LTF: variants seen among roughly 807,000 people sequenced by gnomAD.
LTF encodes epididymis luminal protein 110.
LTF carries 91 observed loss-of-function variants against 87.2 expected under a neutral mutation model. That is an observed-to-expected ratio of 1.04 (90% CI 0.88 to 1.24). The LOEUF is 1.24. LTF is among the 50% of genes most tolerant of loss of function. The pLI is 0.00. For missense variants in LTF, 901 were observed against 904.3 expected, an observed-to-expected ratio of 1.00 and a Z score of 0.05; for synonymous variants, 378 against 356.1, an observed-to-expected ratio of 1.06 and a Z score of -0.69.
intron 2 of LTF, 79 bp from the exon 3 acceptor site, chr3:46,456,477 G>A: frequency 8.6e-7 from 1 of 1,158,910 alleles, no homozygotes; most frequent in Non-Finnish European, 1.3e-6. Context: ...ACCTCAAAAA[G>A]TCTCCATGGC....
At chr3:46,473,459 G>A (rs1703319645) in intron 1 of LTF, among the ~76,000 whole-genome samples, 2 of 152,208 alleles carry the variant, frequency 1.3e-5, no homozygotes, top group African/African-American at 4.8e-5. Flanking sequence ...ACTAAGTACA[G>A]ATTAAAATGC....
Position 46,457,564 on chromosome 3 carries a change from C to T in LTF, c.208-1166G>A, listed in dbSNP as rs576336086. Reference sequence around the variant, plus strand: ...AATACCAATTCAGAATGGCGCTGACCGTGAGGACCAGCTTCACTCTTGAAT... The same window carrying T: ...AATACCAATTCAGAATGGCGCTGACTGTGAGGACCAGCTTCACTCTTGAAT... On this transcript the variant is annotated intron_variant, in intron 2 of 16. Transcript: ENST00000231751. 5.9e-5 allele frequency among the ~76,000 whole-genome samples: 9 copies of T among 152,292 alleles called. No individual in the cohort carries two copies. The South Asian group carries it at 1.0e-3, about 18-fold the overall frequency.
intron 2 of LTF, 70 bp downstream of exon 2, chr3:46,459,586 T>G: frequency 7.5e-7 from 1 of 1,331,018 alleles, no homozygotes; most frequent in Non-Finnish European, 9.8e-7. Context: ...AGAGCTCGTG[T>G]TCTATCTTTT....
At chr3:46,464,076 G>A (rs532175928) in intron 1 of LTF, among the ~76,000 whole-genome samples, 5 of 152,244 alleles carry the variant, frequency 3.3e-5, no homozygotes, top group Admixed American at 1.3e-4. Context: ...TTTCTGCTGC[G>A]GCCTGGGACC....
At chr3:46,479,117 C>T (rs1214423861) in intron 1 of LTF, among the ~76,000 whole-genome samples, 2 of 152,232 alleles carry the variant, frequency 1.3e-5, no homozygotes, top group Non-Finnish European at 2.9e-5. Context: ...CCATGGACCA[C>T]GGTAACAGAA....
At chr3:46,467,241 C>CATTT (rs1703227918), upstream of LTF, among the ~76,000 whole-genome samples, 4 of 152,082 alleles carry the variant, frequency 2.6e-5, no homozygotes, top group South Asian at 4.2e-4. Flanking sequence ...TTCATTCATT[C>CATTT]ATGCCAGAAC....
At chr3:46,482,364 G>A (rs1257054135) in intron 1 of LTF, among the ~76,000 whole-genome samples, 1 of 151,778 alleles carries the variant, frequency 6.6e-6, no homozygotes, top group East Asian at 1.9e-4. Flanking sequence ...CAGCTACCAG[G>A]GAGGCTGAGG....
chr3:46,453,576 T>C (rs1329520843), intron 6 of LTF, among the ~76,000 whole-genome samples: 1 of 151,916 alleles, frequency 6.6e-6, no homozygotes, highest in African/African-American at 2.4e-5. Context: ...AATGTGGGTG[T>C]CTGTCACTTT....
chr3:46,482,537 AGGG>A (rs1703448045), intron 1 of LTF, among the ~76,000 whole-genome samples: 1 of 78,368 alleles, frequency 1.3e-5, no homozygotes, highest in East Asian at 3.5e-4. Flanking sequence ...AGGGAAGGGA[AGGG>A]AAGGGAAGGG....
intron 1 of LTF, among the ~76,000 whole-genome samples, chr3:46,476,847 A>G (rs1366176434): frequency 1.3e-5 from 2 of 152,208 alleles, no homozygotes; most frequent in African/African-American, 2.4e-5. Context: ...AGATTCTCCA[A>G]TGTTGTTCCA....
chr3:46,437,445 C>T (rs1225213304), intron 16 of LTF, among the ~76,000 whole-genome samples: 2 of 151,218 alleles, frequency 1.3e-5, no homozygotes, highest in African/African-American at 4.9e-5. Flanking sequence ...TTCAGCCTCT[C>T]AAGTAGCTGG....
chr3:46,463,248 C>T lies in LTF; in HGVS notation c.43+1577G>A, dbSNP rs537094282. On this transcript the variant is annotated intron_variant, in intron 1 of 16. Coordinates refer to ENST00000231751, the MANE Select transcript of LTF (RefSeq NM_002343.6). ...ACACATTCTGGGCAGACATGCAGTG[C>T]GCTGGCCTCCAAGGCAGGGGCCAGG... Among the ~76,000 whole-genome samples the T allele has an allele frequency of 1.2e-4, 19 of 152,312 alleles. No homozygotes were observed. In the South Asian group the frequency reaches 2.5e-3, roughly 20 times the overall value.
At position 46,454,346 on chromosome 3, in the gene LTF, C is replaced by T; in HGVS notation, c.662G>A (p.Gly221Glu). The T allele has an allele frequency of 6.2e-7, 1 of 1,614,174 alleles. No individual in the cohort carries two copies. The change falls in exon 6 of 17, where the codon GGG becomes GAG. Residue 221 changes from glycine (G) to glutamate (E), a missense_variant. By Grantham distance (98) the Gly-to-Glu change is moderately conservative. Coordinates refer to ENST00000231751, the MANE Select transcript of LTF (RefSeq NM_002343.6). Reference protein sequence around the residue: ...YSGAFKCLRDGAGDVAFIRES... With the variant: ...YSGAFKCLRDEAGDVAFIRES... ...TCTGATAAAAGCCACGTCTCCAGCC[C>T]CGTCTCTCAGACACCTGTGAAAAGA... is the stretch of plus-strand genomic sequence containing the variant.
chr3:46,481,124 C>G (rs1011431765), intron 1 of LTF, among the ~76,000 whole-genome samples: 60 of 152,226 alleles, frequency 3.9e-4, no homozygotes, highest in African/African-American at 1.4e-3. Flanking sequence ...GTGCAGCCCC[C>G]CTCCAGGAAG....
Position 46,449,918 on chromosome 3 carries a change from C to T in LTF, c.993G>A (p.Pro331=), listed in dbSNP as rs765727570. The T allele has an allele frequency of 2.5e-6, 4 of 1,614,186 alleles. No individual in the cohort carries two copies. The highest frequency in any genetic ancestry group is 1.3e-5 in the African/African-American group (1 of 75,048). The change falls in exon 8 of 17, where the codon CCG becomes CCA. Residue 331 remains proline (P), a synonymous_variant. Transcript: ENST00000231751. The part of the protein sequence containing the change: ...DSAIGFSRVP[P]RIDSGLYLGS... ...CAAGGTACAGCCCAGAATCTATCCT[C>T]GGGGGCACCCTCGAAAACCCAATGG... is the stretch of plus-strand genomic sequence containing the variant.
At chr3:46,447,159 G>C (rs368789308) in intron 10 of LTF, 149 bp downstream of exon 10, 2 of 638,382 alleles carry the variant, frequency 3.1e-6, no homozygotes, top group South Asian at 3.8e-5. Flanking sequence ...TGGGTAACAC[G>C]GCCCCTTTCA....
intron 1 of LTF, among the ~76,000 whole-genome samples, chr3:46,462,150 G>A (rs553953372): frequency 6.1e-4 from 93 of 152,182 alleles, no homozygotes; most frequent in Admixed American, 9.8e-4. Context: ...AGCCATTTGT[G>A]ACCCAGTGAG....
At chr3:46,472,483 G>A (rs551131778) in intron 1 of LTF, among the ~76,000 whole-genome samples, 1 of 91,064 alleles carries the variant, frequency 1.1e-5, no homozygotes, top group Non-Finnish European at 2.1e-5. Flanking sequence ...TTTTGGAAAA[G>A]ATTATTGTGT....
intron 4 of LTF, 114 bp from the exon 5 acceptor site, chr3:46,455,556 A>T (rs1702907694): frequency 1.3e-5 from 18 of 1,342,508 alleles, no homozygotes; most frequent in Non-Finnish European, 1.9e-5. Flanking sequence ...CCCCTGCAGG[A>T]GAGACTCTGT....
Sources: allele counts gnomAD v4.1 joint callset (sites outside exome capture counted in the v4.1 genomes callset), GRCh38; gene constraint gnomAD v4.1.1; transcripts MANE v1.5; gene names NCBI Gene and HGNC (gene_info 2026-07-23, HGNC 2026-07-21).